Variants in TTN observed in about 807,000 individuals in gnomAD.
The protein encoded by TTN is titin, also known as connectin.
Under a neutral mutation model 3,223.0 loss-of-function variants are expected in TTN, and 1,525 were observed. The observed-to-expected ratio is 0.47, with a 90% CI of 0.45 to 0.49. The LOEUF is 0.49. Ranked by LOEUF, TTN falls within the 20% of genes least tolerant of loss-of-function variation. The probability of loss-of-function intolerance (pLI) is 0.00; values close to 1 mark genes in which losing one functional copy is unlikely to be tolerated. For synonymous variants in TTN, 14,094 were observed against 15,161.0 expected, an observed-to-expected ratio of 0.93 and a Z score of 5.17; for missense variants, 40,786 against 43,424.0, an observed-to-expected ratio of 0.94 and a Z score of 5.40.
In TTN at chr2:178,617,201, A is replaced by G. The variant is rs780464378; in HGVS notation, c.47794T>C (p.Tyr15932His). ...GCTTTATTTTCTGCAGATACTCTAT[A>G]TAAATATTTATTTCCTTTTTCCAAT... ...TGLEKGNKYL[Y>H]RVSAENKAGV... is the part of the protein sequence containing the mutation. Residue 15932 changes from tyrosine to histidine, a missense_variant, in exon 255 of 363, where the codon TAT (tyrosine) becomes CAT (histidine). Transcript: ENST00000589042. 6 of 1,562,030 alleles carry G rather than the reference A, an allele frequency of 3.8e-6. No homozygotes were observed. Among genetic ancestry groups the G allele is most frequent in the South Asian group, 1.2e-5 (1 of 83,096 alleles).
chr2:178,619,834 C>T lies in TTN; in HGVS notation c.46483G>A (p.Ala15495Thr), dbSNP rs537428006. 86 of 1,611,996 alleles carry T rather than the reference C, an allele frequency of 5.3e-5. No individual in the cohort carries two copies. The South Asian group carries it at 8.7e-4, about 16-fold the overall frequency. Residue 15495 changes from alanine to threonine, a missense_variant, in exon 250 of 363, where the codon GCT becomes ACT. Coordinates refer to ENST00000589042, the MANE Select transcript of TTN (RefSeq NM_001267550.2). ...AGTTCTGCTAAAAAGACAACATCAG[C>T]ACCAGGGGCTTCAAGAATATCTTGT... ...PPQDILEAPG[A>T]DVVFLAELNK...
intron 357 of TTN, 31 bp from the exon 358 acceptor site, chr2:178,535,880 A>G: frequency 2.0e-6 from 3 of 1,507,800 alleles, no homozygotes; most frequent in Non-Finnish European, 2.6e-6. Flanking sequence ...AAAAGAATAT[A>G]ATTTAGCAAC....
In TTN at chr2:178,554,013, C is replaced by T. The variant is rs1301227457; in HGVS notation, c.89098G>A (p.Glu29700Lys). 1 of 1,613,554 alleles carries T rather than the reference C, an allele frequency of 6.2e-7. No homozygotes were observed. Residue 29700 changes from glutamate (E) to lysine (K), a missense_variant, in exon 333 of 363, where the codon GAA (glutamate) becomes AAA (lysine). Coordinates refer to ENST00000589042, the MANE Select transcript of TTN (RefSeq NM_001267550.2). ...ACTCTGTATTGATAGTCACTGTTTTCTGTGAGTCCTGTTACTTTTTGTCTG... is the reference window on the plus strand; with the variant it reads ...ACTCTGTATTGATAGTCACTGTTTTTTGTGAGTCCTGTTACTTTTTGTCTG... The part of the protein sequence containing the change: ...DTRQKVTGLT[E>K]NSDYQYRVCA...
Position 178,688,676 on chromosome 2 carries a change from C to A in TTN, c.32197+1G>T, listed in dbSNP as rs2071510600. On this transcript the variant is annotated splice_donor_variant, in intron 126 of 362. Transcript: ENST00000589042. LOFTEE classifies it high-confidence loss of function. ...TTATCCCCTGACTTCCGATTATATA[C>A]CTTCGTGCCGCGTGACTTCCACTCT... is the stretch of plus-strand genomic sequence containing the variant. The A allele has an allele frequency of 1.2e-6, 2 of 1,608,352 alleles. No individual in the cohort carries two copies. The highest frequency in any genetic ancestry group is 1.7e-6 in the Non-Finnish European group (2 of 1,174,760).
Position 178,617,787 on chromosome 2 carries a change from T to C in TTN, c.47564A>G (p.Asp15855Gly). The C allele has an allele frequency of 6.2e-7, 1 of 1,612,282 alleles. No homozygotes were observed. Among genetic ancestry groups the C allele is most frequent in the Non-Finnish European group, 8.5e-7 (1 of 1,178,922 alleles). ...SAATPFVKVA[D>G]PIERPSPPVN... ...TTTTTTGATGGGCTTACCAATTGGA[T>C]CAGCAACTTTGACGAAGGGTGTGGC... Residue 15855 changes from aspartate (D) to glycine (G), a missense_variant, in exon 253 of 363, where the codon GAT becomes GGT. By Grantham distance (94) the Asp-to-Gly change is moderately conservative. Coordinates refer to ENST00000589042, the MANE Select transcript of TTN (RefSeq NM_001267550.2).
At position 178,634,714 on chromosome 2, in the gene TTN, GC is replaced by G; in HGVS notation, c.42151+8del. The G allele has an allele frequency of 6.2e-7, 1 of 1,612,744 alleles. No homozygotes were observed. The highest frequency in any genetic ancestry group is 8.5e-7 in the Non-Finnish European group (1 of 1,179,326). ...TGAGACCCCTCCCCAAATTCTAAAAGCCCCATACCTTTTACTGTCAAAATGG... is the reference window on the plus strand; with the variant it reads ...TGAGACCCCTCCCCAAATTCTAAAAGCCCATACCTTTTACTGTCAAAATGG... On this transcript the variant is annotated splice_region_variant and intron_variant, in intron 229 of 362. Transcript: ENST00000589042. This position sits in a 1 kb window ranked among gnomAD's most constrained non-coding sequence, Gnocchi z 4.6.
At position 178,739,582 on chromosome 2, in the gene TTN, GT is replaced by G; in HGVS notation, c.13650del (p.Pro4551LeufsTer20). 1 of 1,613,788 alleles carries G rather than the reference GT, an allele frequency of 6.2e-7. No homozygotes were observed. The highest frequency in any genetic ancestry group is 8.5e-7 in the Non-Finnish European group (1 of 1,179,832). Reference protein sequence around the residue: ...VQSRVKYLDATPVTKGVASAV... With the variant: ...VQSRVKYLDAXPVTKGVASAV... ...GCTGAAGCAACCCCTTTAGTGACAG[GT>G]GTGGCATCCAAATATTTAACCCTAC... On this transcript the variant is annotated frameshift_variant, in exon 48 of 363. Transcript: ENST00000589042. LOFTEE classifies it high-confidence loss of function.
Position 178,745,165 on chromosome 2 carries a change from G to T in TTN, c.11312-3244C>A, listed in dbSNP as rs952066257. The stretch of plus-strand genomic sequence containing the variant: ...AAATAACTTAGAATGGGAGCAGAGA[G>T]ATTTGCCCTTACCAATTTGTCTGCG... On this transcript the variant is annotated intron_variant, in intron 47 of 362. Transcript: ENST00000589042. 12 of 998,528 alleles carry T rather than the reference G, an allele frequency of 1.2e-5. No individual in the cohort carries two copies. In the African/African-American group the frequency reaches 2.1e-4, roughly 17 times the overall value. The allele number at this position is 998,528 out of a possible 1,614,324, so 61.9% of individuals were successfully genotyped here.
In TTN at chr2:178,570,023, A is replaced by G. The variant is rs764131874; in HGVS notation, c.76109T>C (p.Ile25370Thr). Residue 25370 changes from isoleucine to threonine, a missense_variant, in exon 326 of 363, where the codon ATA becomes ACA. Transcript: ENST00000589042. Reference protein sequence around the residue: ...GELRLRVTGLIENHDYEFRVS... With the variant: ...GELRLRVTGLTENHDYEFRVS... ...TCTGAACTCATAATCGTGATTTTCT[A>G]TGAGTCCAGTTACTCTCAGGCGCAA... is the stretch of plus-strand genomic sequence containing the variant. 6.2e-6 allele frequency: 10 copies of G among 1,613,218 alleles called. No homozygotes were observed. Among genetic ancestry groups the G allele is most frequent in the East Asian group, 2.2e-5 (1 of 44,764 alleles).
intron 282 of TTN, 79 bp downstream of exon 282, chr2:178,603,797 T>C (rs2054105394): frequency 7.5e-7 from 1 of 1,332,254 alleles, no homozygotes; most frequent in African/African-American, 1.5e-5. Context: ...TAGAAAAATA[T>C]AAGAAATTTA....
chr2:178,795,453 G>A (rs779468086), intron 6 of TTN, among the ~76,000 whole-genome samples: 1 of 151,810 alleles, frequency 6.6e-6, no homozygotes, highest in Non-Finnish European at 1.5e-5. Context: ...CTGTAACCCT[G>A]TAAGAGAATC....
At position 178,575,622 on chromosome 2, in the gene TTN, C is replaced by G. The variant is rs1362847983; in HGVS notation, c.70510G>C (p.Glu23504Gln). ...TCTGCCATCACTCTGAAGAAATATTCACACCCTTCAGACAAGCCGGTAACT... is the reference window on the plus strand; with the variant it reads ...TCTGCCATCACTCTGAAGAAATATTGACACCCTTCAGACAAGCCGGTAACT... ...YKVTGLSEGC[E>Q]YFFRVMAENE... is the part of the protein sequence containing the mutation. The change falls in exon 326 of 363, where the codon GAA becomes CAA. Residue 23504 changes from glutamate (E) to glutamine (Q), a missense_variant. Physicochemically the swap from Glu to Gln is conservative, Grantham distance 29. Transcript: ENST00000589042. The surrounding 1 kb of genome is among the most constrained non-coding windows in gnomAD (Gnocchi z 4.0). 3.1e-6 allele frequency: 5 copies of G among 1,613,454 alleles called. No individual in the cohort carries two copies. The highest frequency in any genetic ancestry group is 1.7e-5 in the Admixed American group (1 of 59,978).
chr2:178,569,116 G>C lies in TTN; in HGVS notation c.77016C>G (p.Tyr25672Ter). The C allele has an allele frequency of 6.2e-7, 1 of 1,613,484 alleles. No homozygotes were observed. Among genetic ancestry groups the C allele is most frequent in the Non-Finnish European group, 8.5e-7 (1 of 1,179,580 alleles). Residue 25672 changes from tyrosine (Y) to a stop codon, truncating the protein, a stop_gained, in exon 326 of 363, where the codon TAC (tyrosine) becomes TAG (stop). Transcript: ENST00000589042. LOFTEE classifies it high-confidence loss of function. Reference sequence around the variant, plus strand: ...ACTCATTCTCAGCTGTGACTCTAAAGTAATAACTGCAACCTTCTTGGAGCT... The same window carrying C: ...ACTCATTCTCAGCTGTGACTCTAAACTAATAACTGCAACCTTCTTGGAGCT... Reference protein sequence around the residue: ...IDQLQEGCSYYFRVTAENEYG... With the variant: ...IDQLQEGCSY
chr2:178,786,863 A>C (rs1020623114), intron 13 of TTN, among the ~76,000 whole-genome samples: 3 of 152,208 alleles, frequency 2.0e-5, no homozygotes, highest in African/African-American at 7.2e-5. Context: ...ATTTACTTTC[A>C]TTATTATGGA....
chr2:178,528,887 G>C lies in TTN; in HGVS notation c.106864C>G (p.Gln35622Glu), dbSNP rs748846449. ...ATGTTGGCTTTTAAAACCAGTCTTT[G>C]ACCTTCGTTTATGCTCATCTGAGTA... is the stretch of plus-strand genomic sequence containing the variant. ...FSTQMSINEGQRLVLKANIAG... is the reference protein window; with the variant it reads ...FSTQMSINEGERLVLKANIAG... The change falls in exon 360 of 363, where the codon CAA becomes GAA. Residue 35622 changes from glutamine to glutamate, a missense_variant. By Grantham distance (29) the Gln-to-Glu change is conservative. Coordinates refer to ENST00000589042, the MANE Select transcript of TTN (RefSeq NM_001267550.2). The C allele has an allele frequency of 6.2e-7, 1 of 1,613,994 alleles. No individual in the cohort carries two copies. Among genetic ancestry groups the C allele is most frequent in the Non-Finnish European group, 8.5e-7 (1 of 1,179,878 alleles).
At chr2:178,545,144 G>T (rs1293534242) in intron 344 of TTN, among the ~76,000 whole-genome samples, 1 of 151,994 alleles carries the variant, frequency 6.6e-6, no homozygotes, top group Non-Finnish European at 1.5e-5. Flanking sequence ...TTTTCATATT[G>T]ATAGAATATT....
chr2:178,647,342 A>T lies in TTN; in HGVS notation c.40141+39T>A. On this transcript the variant is annotated intron_variant, in intron 214 of 362. Coordinates refer to ENST00000589042, the MANE Select transcript of TTN (RefSeq NM_001267550.2). ...ACAATCAAAGCAAGAGGATGAAGAC[A>T]ATTGTCATCTTTCCAAGATTTATGG... 1.9e-6 allele frequency: 3 copies of T among 1,541,444 alleles called. No homozygotes were observed. The South Asian group carries it at 3.6e-5, about 19-fold the overall frequency.
chr2:178,710,018 A>G (rs2076428876), intron 98 of TTN, among the ~76,000 whole-genome samples, 162 bp from the exon 99 acceptor site: 1 of 152,236 alleles, frequency 6.6e-6, no homozygotes, highest in African/African-American at 2.4e-5. Context: ...GCCTCCTTCT[A>G]CGAGCTTATT....
Position 178,531,854 on chromosome 2 carries a change from G to C in TTN, c.104761C>G (p.Gln34921Glu), listed in dbSNP as rs369190893. The C allele has an allele frequency of 4.3e-6, 7 of 1,613,616 alleles. No homozygotes were observed. The Middle Eastern group carries it at 9.9e-4, about 227-fold the overall frequency. ...YESMKAALKT[Q>E]KTSERKYEVL... The stretch of plus-strand genomic sequence containing the variant: ...TCATACTTCCTTTCTGATGTCTTCT[G>C]AGTTTTTAAAGCAGCTTTCATGGAC... Residue 34921 changes from glutamine (Q) to glutamate (E), a missense_variant, in exon 358 of 363, where the codon CAG becomes GAG. Transcript: ENST00000589042.
Sources: gnomAD v4.1 joint callset for allele counts (sites outside exome capture counted in the v4.1 genomes callset) on GRCh38, gnomAD v4.1.1 for gene constraint, Gnocchi (gnomAD v3.1) non-coding constraint, MANE v1.5 for transcripts, NCBI Gene and HGNC (gene_info 2026-07-23, HGNC 2026-07-21) for gene names.